The following MARF1 variants were observed in gnomAD, a reference collection of about 807,000 sequenced individuals.
The protein encoded by MARF1 is meiosis regulator and mRNA stability factor 1.
MARF1 carries 24 observed loss-of-function variants against 168.2 expected under a neutral mutation model. That is an observed-to-expected ratio of 0.14 (90% CI 0.10 to 0.20). The LOEUF (loss-of-function observed/expected upper bound fraction) is 0.20. Among genes scored for constraint, MARF1 ranks in the 10% least tolerant of loss-of-function variants. MARF1 has a pLI of 1.00. For missense variants in MARF1, 1,744 were observed against 2,143.6 expected (o/e 0.81, Z 3.68); for synonymous variants, 868 against 822.4 (o/e 1.06, Z -0.95).
chr16:15,611,039 A>C lies in MARF1; in HGVS notation c.3687T>G (p.Ile1229Met). The C allele has an allele frequency of 6.2e-7, 1 of 1,613,794 alleles. No individual in the cohort carries two copies. The highest frequency in any genetic ancestry group is 2.2e-5 in the East Asian group (1 of 44,872). The change falls in exon 19 of 27, where the codon ATT becomes ATG. Residue 1229 changes from isoleucine to methionine, a missense_variant. This residue lies in a region of MARF1 where 543 missense variants were observed against 742.1 expected (regional missense o/e 0.73). Coordinates refer to ENST00000396368, the MANE Select transcript of MARF1 (RefSeq NM_014647.4). ...GGGACAAGCAGATGGTTGTGTCTGG[A>C]ATCTCTGATACGATGTCAATCAACT... ...VCELIDIVSE[I>M]PDTTICLSQQ...
At chr16:15,613,698 TAAAATA>T (rs2033792772) in intron 16 of MARF1, among the ~76,000 whole-genome samples, 1 of 115,272 alleles carries the variant, frequency 8.7e-6, no homozygotes, top group Non-Finnish European at 1.9e-5. Flanking sequence ...TAAAATAAAA[TAAAATA>T]AAATAAAAAG....
chr16:15,608,998 G>A (rs1405494410), intron 20 of MARF1, among the ~76,000 whole-genome samples: 1 of 152,172 alleles, frequency 6.6e-6, no homozygotes, highest in Non-Finnish European at 1.5e-5. Context: ...CAGCACTCTG[G>A]GAGGCTGAGA....
At chr16:15,630,918 G>C (rs993832311) in intron 6 of MARF1, among the ~76,000 whole-genome samples, 1 of 151,954 alleles carries the variant, frequency 6.6e-6, no homozygotes, top group African/African-American at 2.4e-5. Flanking sequence ...ATCACCTGAG[G>C]TCAGGAGTTT....
At chr16:15,629,766 C>T (rs1359082324) in intron 7 of MARF1, among the ~76,000 whole-genome samples, 1 of 152,186 alleles carries the variant, frequency 6.6e-6, no homozygotes, top group East Asian at 1.9e-4. Flanking sequence ...GAAATGTGCT[C>T]ACACCCTCCT....
intron 12 of MARF1, 51 bp from the exon 13 acceptor site, chr16:15,620,582 A>C (rs2034386319): frequency 8.4e-7 from 1 of 1,195,402 alleles, no homozygotes; most frequent in East Asian, 2.5e-5. Context: ...CCATATTACA[A>C]GTTATATAAA....
chr16:15,599,964 C>T (rs1304253552), intron 25 of MARF1, among the ~76,000 whole-genome samples: 1 of 152,074 alleles, frequency 6.6e-6, no homozygotes, highest in Non-Finnish European at 1.5e-5. Flanking sequence ...CACAGCTGAT[C>T]GAATTCCTTA....
rs1268572816 is a variant in MARF1, at chr16:15,598,743, C to A, written c.4984+111G>T. The A allele has an allele frequency of 3.7e-6, 4 of 1,067,830 alleles. No individual in the cohort carries two copies. The African/African-American group carries it at 6.3e-5, about 17-fold the overall frequency. The allele number at this position is 1,067,830 out of a possible 1,614,324, so 66.1% of individuals were successfully genotyped here. ...CGAATAATCAGCACAGTGTTTTCCA[C>A]CTGAAAAGGGGTAGTCCCTTCCCAC... On this transcript the variant is annotated intron_variant, in intron 26 of 26. Coordinates refer to ENST00000396368, the MANE Select transcript of MARF1 (RefSeq NM_014647.4).
chr16:15,608,281 A>AC lies in MARF1; in HGVS notation c.4182+9_4182+10insG. On this transcript the variant is annotated intron_variant, in intron 21 of 26. Coordinates refer to ENST00000396368, the MANE Select transcript of MARF1 (RefSeq NM_014647.4). ...GAGGGAAAAAAAAAAAAAAAAAAAA[A>AC]AACATTTACCTTCACGACATGGCAG... 6.7e-7 allele frequency: 1 copy of AC among 1,494,062 alleles called. No individual in the cohort carries two copies. The highest frequency in any genetic ancestry group is 9.1e-7 in the Non-Finnish European group (1 of 1,099,390). 92.6% of individuals were successfully genotyped at this position (1,494,062 alleles called of 1,614,324 possible).
intron 22 of MARF1, chr16:15,602,557 G>C (rs753636074): frequency 4.2e-6 from 2 of 472,014 alleles, no homozygotes; most frequent in Non-Finnish European, 8.2e-6. Flanking sequence ...CGACGAATTG[G>C]ACAAAGACAA....
At chr16:15,598,468 G>C (rs1025576409) in intron 26 of MARF1, among the ~76,000 whole-genome samples, 3 of 152,092 alleles carry the variant, frequency 2.0e-5, no homozygotes, top group Non-Finnish European at 4.4e-5. Flanking sequence ...CCTTTATAAA[G>C]CCCTTGGGCC....
chr16:15,614,391 G>C (rs2033866602), intron 16 of MARF1, among the ~76,000 whole-genome samples: 3 of 138,316 alleles, frequency 2.2e-5, no homozygotes, highest in African/African-American at 5.1e-5. Flanking sequence ...GCTGAGGCAG[G>C]AGAATGGTAT....
intron 21 of MARF1, among the ~76,000 whole-genome samples, chr16:15,605,078 C>T (rs1446788236): frequency 6.6e-6 from 1 of 152,222 alleles, no homozygotes; most frequent in Non-Finnish European, 1.5e-5. Flanking sequence ...GGGGACCAAA[C>T]ACCATGTGAA....
Position 15,595,111 on chromosome 16 carries a change from C to CT in MARF1, c.*1581dup, listed in dbSNP as rs1453560145. On this transcript the variant is annotated 3_prime_UTR_variant, in exon 27 of 27. Transcript: ENST00000396368. ...CATTTGCATTTCACTTCCTGTAACA[C>CT]TATGTCTGTAGAGGAAATGCCTTCA... 6.6e-6 allele frequency: 1 copy of CT among 152,630 alleles called. No homozygotes were observed. The highest frequency in any genetic ancestry group is 1.5e-5 in the Non-Finnish European group (1 of 68,048). 9.5% of individuals were successfully genotyped at this position (152,630 alleles called of 1,614,324 possible).
chr16:15,604,439 A>G, intron 21 of MARF1, 41 bp from the exon 22 acceptor site: 1 of 1,431,372 alleles, frequency 7.0e-7, no homozygotes, highest in South Asian at 1.2e-5. Flanking sequence ...AGCTCAAGAG[A>G]GACACCCTAG....
chr16:15,600,364 C>A (rs1006456357), intron 25 of MARF1, 64 bp downstream of exon 25: 2 of 1,604,834 alleles, frequency 1.2e-6, no homozygotes, highest in African/African-American at 2.7e-5. Context: ...TCGCTCTCCC[C>A]GACCCCAAAG....
At chr16:15,606,515 ACTC>A (rs1480640944) in intron 21 of MARF1, among the ~76,000 whole-genome samples, 1 of 150,492 alleles carries the variant, frequency 6.6e-6, no homozygotes, top group Non-Finnish European at 1.5e-5. Flanking sequence ...CCTTCTCCCC[ACTC>A]CTAAGTCCTG....
At chr16:15,602,505 CGACGATGAAGAA>C (rs769383190) in intron 22 of MARF1, 28 of 527,492 alleles carry the variant, frequency 5.3e-5, no homozygotes, top group South Asian at 5.0e-4. Flanking sequence ...AAGACGAAGA[CGACGATGAAGAA>C]GACGAAGACG....
At chr16:15,641,772 T>C (rs1213920304) in intron 1 of MARF1, among the ~76,000 whole-genome samples, 1 of 152,198 alleles carries the variant, frequency 6.6e-6, no homozygotes, top group Admixed American at 6.5e-5. Flanking sequence ...GTTCACCCCT[T>C]TCCACTACAT....
intron 19 of MARF1, 34 bp from the exon 20 acceptor site, chr16:15,609,759 T>G: frequency 6.3e-7 from 1 of 1,578,078 alleles, no homozygotes; most frequent in Non-Finnish European, 8.7e-7. Flanking sequence ...AAAATCACAG[T>G]TTTTTTCTAC....
Sources: allele counts gnomAD v4.1 joint callset (sites outside exome capture counted in the v4.1 genomes callset), GRCh38; gene constraint gnomAD v4.1.1; regional missense constraint gnomAD v4.1.1; transcripts MANE v1.5; gene names NCBI Gene and HGNC (gene_info 2026-07-23, HGNC 2026-07-21).